LAMC2: variants seen among roughly 807,000 people sequenced by gnomAD.
LAMC2 encodes the protein laminin subunit gamma 2, also known as laminin subunit gamma-2.
Under a neutral mutation model 140.2 loss-of-function variants are expected in LAMC2, and 97 were observed. That is an observed-to-expected ratio of 0.69 (90% CI 0.59 to 0.82). The LOEUF (loss-of-function observed/expected upper bound fraction) is 0.82, where lower values mean the gene tolerates loss of function less well. Among genes scored for constraint, LAMC2 ranks in the 40% least tolerant of loss-of-function variants. LAMC2 has a pLI of 0.00. For missense variants in LAMC2, 1,402 were observed against 1,476.1 expected, an observed-to-expected ratio of 0.95 and a Z score of 0.82; for synonymous variants, 513 against 540.2, an observed-to-expected ratio of 0.95 and a Z score of 0.70.
At chr1:183,216,441 G>T (rs1484390490) in intron 3 of LAMC2, among the ~76,000 whole-genome samples, 1 of 152,140 alleles carries the variant, frequency 6.6e-6, no homozygotes, top group Non-Finnish European at 1.5e-5. Context: ...TCAAGGTCCT[G>T]CAAGGTCCTC....
chr1:183,210,493 TAATG>T (rs746824529), intron 2 of LAMC2, among the ~76,000 whole-genome samples: 10 of 152,234 alleles, frequency 6.6e-5, no homozygotes, highest in Non-Finnish European at 1.2e-4. Flanking sequence ...CTAGAAAAAT[TAATG>T]AATGGCCTAA....
At chr1:183,187,253 C>G (rs987225492) in intron 1 of LAMC2, among the ~76,000 whole-genome samples, 3 of 152,198 alleles carry the variant, frequency 2.0e-5, no homozygotes, top group Non-Finnish European at 4.4e-5. Flanking sequence ...AGACCAAGAG[C>G]CATTTCCACA....
chr1:183,238,977 T>G (rs1660047889), intron 19 of LAMC2, among the ~76,000 whole-genome samples: 1 of 152,228 alleles, frequency 6.6e-6, no homozygotes. Context: ...TCCCAAAATT[T>G]TGGAATTTTC....
intron 2 of LAMC2, among the ~76,000 whole-genome samples, chr1:183,212,930 C>T (rs1418590312): frequency 6.6e-6 from 1 of 152,216 alleles, no homozygotes; most frequent in Non-Finnish European, 1.5e-5. Context: ...TGTTCTATAT[C>T]CACAGTGGCT....
At chr1:183,221,622 G>A (rs1487196475) in intron 5 of LAMC2, among the ~76,000 whole-genome samples, 4 of 151,958 alleles carry the variant, frequency 2.6e-5, no homozygotes, top group African/African-American at 4.8e-5. Flanking sequence ...CCAGCTACTC[G>A]GGAGGCTGAG....
At chr1:183,222,987 G>C in intron 6 of LAMC2, 148 bp from the exon 7 acceptor site, 1 of 698,846 alleles carries the variant, frequency 1.4e-6, no homozygotes. Flanking sequence ...GCCATGTCCA[G>C]TACCAGGTCC....
intron 1 of LAMC2, among the ~76,000 whole-genome samples, chr1:183,202,097 G>A (rs188056617): frequency 8.1e-4 from 123 of 152,120 alleles, no homozygotes; most frequent in African/African-American, 2.7e-3. Context: ...GGGAGGCTGA[G>A]GCATGAGAAT....
intron 5 of LAMC2, among the ~76,000 whole-genome samples, chr1:183,221,701 C>A (rs1244914680): frequency 1.3e-5 from 2 of 151,350 alleles, no homozygotes; most frequent in African/African-American, 4.9e-5. Flanking sequence ...TGCACTCCAG[C>A]CTGGGTGACA....
intron 2 of LAMC2, among the ~76,000 whole-genome samples, chr1:183,212,009 T>G (rs1460128407): frequency 6.6e-6 from 1 of 152,144 alleles, no homozygotes; most frequent in African/African-American, 2.4e-5. Context: ...TTGTTTTTTT[T>G]TTGAGTGAGA....
At chr1:183,189,586 G>C (rs1207218509) in intron 1 of LAMC2, among the ~76,000 whole-genome samples, 1 of 152,166 alleles carries the variant, frequency 6.6e-6, no homozygotes, top group Non-Finnish European at 1.5e-5. Flanking sequence ...CCCAGAGGTA[G>C]AAAGCAAAGC....
chr1:183,220,549 C>T (rs150445492), intron 4 of LAMC2, among the ~76,000 whole-genome samples: 5 of 151,944 alleles, frequency 3.3e-5, no homozygotes, highest in South Asian at 2.1e-4. Flanking sequence ...AAGGACTGGC[C>T]GACTACTCAG....
the LAMC2 span, among the ~76,000 whole-genome samples, chr1:183,253,217 CTA>C: frequency 1.4e-4 from 20 of 147,212 alleles, no homozygotes; most frequent in Non-Finnish European, 2.7e-4. Flanking sequence ...TATAGTATAT[CTA>C]TGTTATATTA....
the LAMC2 span, chr1:183,252,324 G>A: frequency 3.0e-6 from 1 of 332,446 alleles, no homozygotes; most frequent in Non-Finnish European, 5.7e-6. Flanking sequence ...CGTGCTGGGA[G>A]GATGGGCACC....
At chr1:183,214,409 G>C (rs1327091160) in intron 2 of LAMC2, among the ~76,000 whole-genome samples, 1 of 152,156 alleles carries the variant, frequency 6.6e-6, no homozygotes, top group Non-Finnish European at 1.5e-5. Context: ...GTGCCAACTA[G>C]GGGAAGTCTG....
chr1:183,191,212 T>C (rs1215464524), intron 1 of LAMC2, among the ~76,000 whole-genome samples: 1 of 152,112 alleles, frequency 6.6e-6, no homozygotes, highest in Non-Finnish European at 1.5e-5. Context: ...TCCTGAGGGA[T>C]AATTTTGGAA....
chr1:183,240,076 G>A lies in LAMC2; in HGVS notation c.3106G>A (p.Ala1036Thr). The A allele has an allele frequency of 4.3e-6, 7 of 1,614,186 alleles. No homozygotes were observed. The highest frequency in any genetic ancestry group is 5.9e-6 in the Non-Finnish European group (7 of 1,180,038). The change falls in exon 21 of 23, where the codon GCA becomes ACA. Residue 1036 changes from alanine (A) to threonine (T), a missense_variant. By Grantham distance (58) the Ala-to-Thr change is moderately conservative (BLOSUM62 0). Transcript: ENST00000264144. ...TCTGAACTTGGAAGCCAATGTGACA[G>A]CAGATGGAGCCTTGGCCATGGAAAA... ...GSLNLEANVT[A>T]DGALAMEKGL...
At chr1:183,218,601 A>G (rs1364087354) in intron 4 of LAMC2, 113 bp downstream of exon 4, 1 of 813,438 alleles carries the variant, frequency 1.2e-6, no homozygotes, top group South Asian at 1.5e-5. Flanking sequence ...AACGTTGATG[A>G]CCTTCTTCCT....
chr1:183,226,884 G>C lies in LAMC2; in HGVS notation c.1253G>C (p.Cys418Ser). ...GPFGTCIPCN[C>S]QGGGACDPDT... is the part of the protein sequence containing the mutation. ...TTTGGCACCTGTATTCCTTGTAACT[G>C]TCAAGGGGGAGGGGCCTGTGATCCA... The change falls in exon 9 of 23, where the codon TGT (cysteine) becomes TCT (serine). Residue 418 changes from cysteine (C) to serine (S), a missense_variant. Physicochemically the swap from Cys to Ser is moderately radical, Grantham distance 112. Transcript: ENST00000264144. 1 of 1,614,126 alleles carries C rather than the reference G, an allele frequency of 6.2e-7. No homozygotes were observed. Among genetic ancestry groups the C allele is most frequent in the South Asian group, 1.1e-5 (1 of 91,078 alleles).
At chr1:183,186,555 C>T (rs1658158494) in intron 1 of LAMC2, 124 bp downstream of exon 1, 1 of 1,026,358 alleles carries the variant, frequency 9.7e-7, no homozygotes, top group South Asian at 1.5e-5. Context: ...GTTAGAGCTC[C>T]CTTCTCCTCC....
Sources: gnomAD v4.1 joint callset for allele counts (sites outside exome capture counted in the v4.1 genomes callset) on GRCh38, gnomAD v4.1.1 for gene constraint, MANE v1.5 for transcripts, NCBI Gene and HGNC (gene_info 2026-07-23, HGNC 2026-07-21) for gene names.